The following F13A1 variants were observed in gnomAD, a reference collection of about 807,000 sequenced individuals.
F13A1 encodes the protein FSF, A subunit.
Under a neutral mutation model 80.1 loss-of-function variants are expected in F13A1, and 47 were observed. That is an observed-to-expected ratio of 0.59 (90% CI 0.46 to 0.75). The LOEUF is 0.75. Among genes scored for constraint, F13A1 ranks in the 30% least tolerant of loss-of-function variants. F13A1 has a pLI of 0.00. For synonymous variants in F13A1, 349 were observed against 344.9 expected (o/e 1.01, Z -0.13); for missense variants, 817 against 930.4 (o/e 0.88, Z 1.59).
intron 6 of F13A1, among the ~76,000 whole-genome samples, chr6:6,242,933 G>C (rs867823409): frequency 6.6e-6 from 1 of 152,136 alleles, no homozygotes; most frequent in African/African-American, 2.4e-5. Flanking sequence ...CACAGAATTT[G>C]CCATGCTGAG....
At chr6:6,174,429 C>G (rs1005219879) in intron 12 of F13A1, 151 bp downstream of exon 12, 1 of 824,510 alleles carries the variant, frequency 1.2e-6, no homozygotes, top group Non-Finnish European at 2.0e-6. Flanking sequence ...GAGGCTTTTG[C>G]AGAATGAGTG....
intron 11 of F13A1, among the ~76,000 whole-genome samples, chr6:6,181,021 G>A (rs985167168): frequency 6.6e-6 from 1 of 152,152 alleles, no homozygotes; most frequent in Non-Finnish European, 1.5e-5. Context: ...TCCCCATCAG[G>A]ACACTCACGG....
At chr6:6,317,415 C>T (rs976771198) in intron 2 of F13A1, among the ~76,000 whole-genome samples, 32 of 152,126 alleles carry the variant, frequency 2.1e-4, no homozygotes, top group African/African-American at 7.5e-4. Context: ...AACTCTACCA[C>T]CTGACTGAAG....
chr6:6,223,600 C>G (rs1173455872), intron 7 of F13A1, among the ~76,000 whole-genome samples: 1 of 152,040 alleles, frequency 6.6e-6, no homozygotes, highest in Admixed American at 6.6e-5. Flanking sequence ...ATTCCTTCTT[C>G]CCTGGGTTAT....
intron 2 of F13A1, 22 bp from the exon 3 acceptor site, chr6:6,305,561 G>A (rs746399521): frequency 1.2e-6 from 2 of 1,612,824 alleles, no homozygotes; most frequent in African/African-American, 1.3e-5. Flanking sequence ...AAAAACAAGG[G>A]TTGAAGAAAA....
At chr6:6,218,090 G>A (rs1043323349) in intron 8 of F13A1, among the ~76,000 whole-genome samples, 3 of 152,152 alleles carry the variant, frequency 2.0e-5, no homozygotes, top group Admixed American at 6.5e-5. Flanking sequence ...CCCTCACCCA[G>A]AATCATCCTA....
intron 3 of F13A1, among the ~76,000 whole-genome samples, chr6:6,270,780 A>G (rs1189381908): frequency 6.6e-6 from 1 of 152,226 alleles, no homozygotes; most frequent in Admixed American, 6.5e-5. Context: ...ATAAAACTGG[A>G]AAGTCCAAAG....
rs999637142 is a variant in F13A1 at position 6,234,176 on chromosome 6, G to A, written c.799-9316C>T. Among the ~76,000 whole-genome samples, 81 of 152,020 alleles carry A rather than the reference G, an allele frequency of 5.3e-4. 1 individual carries two copies. The highest frequency in any genetic ancestry group is 1.8e-3 in the African/African-American group (76 of 41,412). The stretch of plus-strand genomic sequence containing the variant: ...AGTCAAACTGTCACTGTTTGCTGAC[G>A]ATATGATTGTTTACCTTGAAAACCC... On this transcript the variant is annotated intron_variant, in intron 6 of 14. Coordinates refer to ENST00000264870, the MANE Select transcript of F13A1 (RefSeq NM_000129.4).
chr6:6,289,234 T>C (rs1758186235), intron 3 of F13A1, among the ~76,000 whole-genome samples: 1 of 152,052 alleles, frequency 6.6e-6, no homozygotes, highest in African/African-American at 2.4e-5. Flanking sequence ...GGAGCTCGGG[T>C]TCTGACTGGG....
intron 3 of F13A1, among the ~76,000 whole-genome samples, chr6:6,268,411 G>T (rs1214712694): frequency 2.0e-5 from 3 of 152,306 alleles, no homozygotes; most frequent in African/African-American, 7.2e-5. Context: ...GTGGAGTTCA[G>T]ATTTGAACCC....
chr6:6,309,025 T>C (rs1758554247), intron 2 of F13A1, among the ~76,000 whole-genome samples: 1 of 152,236 alleles, frequency 6.6e-6, no homozygotes, highest in Non-Finnish European at 1.5e-5. Context: ...ATTAAGACTT[T>C]GCATGGGTTA....
At chr6:6,201,616 C>T (rs779764165) in intron 8 of F13A1, among the ~76,000 whole-genome samples, 3 of 152,214 alleles carry the variant, frequency 2.0e-5, no homozygotes, top group Non-Finnish European at 2.9e-5. Flanking sequence ...GCTGACATTA[C>T]ACAATTCTAT....
At chr6:6,150,784 C>G (rs1356781972) in intron 14 of F13A1, among the ~76,000 whole-genome samples, 4 of 152,052 alleles carry the variant, frequency 2.6e-5, no homozygotes, top group Non-Finnish European at 5.9e-5. Context: ...TAATAAACCT[C>G]AAAGATTGGG....
chr6:6,153,034 C>T lies in F13A1; in HGVS notation c.1909-1085G>A, dbSNP rs567886407. On this transcript the variant is annotated intron_variant, in intron 13 of 14. Transcript: ENST00000264870. ...GTTGATGCTTTTTAGGGTAGCAATG[C>T]TCTGGGTAGTTTGTCTTATTCACCT... Among the ~76,000 whole-genome samples, 11 of 152,318 alleles carry T rather than the reference C, an allele frequency of 7.2e-5. No homozygotes were observed. In the South Asian group the frequency reaches 2.3e-3, roughly 32 times the overall value.
intron 3 of F13A1, among the ~76,000 whole-genome samples, chr6:6,293,799 G>C (rs1339179118): frequency 2.0e-5 from 2 of 101,056 alleles, no homozygotes; most frequent in Non-Finnish European, 4.0e-5. Flanking sequence ...GGGAGGGAGG[G>C]AGGGAGGGAG....
chr6:6,250,745 G>A lies in F13A1; in HGVS notation c.690+66C>T, dbSNP rs1757620062. ...AATATCGATATATGGGATCCTGTAG[G>A]GATACATGTGACAAAAAATATGAAG... On this transcript the variant is annotated intron_variant, in intron 5 of 14. Coordinates refer to ENST00000264870, the MANE Select transcript of F13A1 (RefSeq NM_000129.4). This position sits in a 1 kb window ranked among gnomAD's most constrained non-coding sequence, Gnocchi z 4.2. The A allele has an allele frequency of 1.9e-6, 2 of 1,030,184 alleles. No individual in the cohort carries two copies. The highest frequency in any genetic ancestry group is 3.1e-6 in the Non-Finnish European group (2 of 652,020). 63.8% of individuals were successfully genotyped at this position (1,030,184 alleles called of 1,614,324 possible). A position where few individuals can be genotyped will look rare whatever the true frequency, so the allele number is the denominator to read the frequency against.
At chr6:6,182,755 G>A (rs1398334661) in intron 10 of F13A1, among the ~76,000 whole-genome samples, 1 of 152,054 alleles carries the variant, frequency 6.6e-6, no homozygotes, top group African/African-American at 2.4e-5. Context: ...GGGATTTGGG[G>A]GCCTTAATGA....
chr6:6,205,028 G>A (rs1761461131), intron 8 of F13A1, among the ~76,000 whole-genome samples: 2 of 152,248 alleles, frequency 1.3e-5, no homozygotes, highest in South Asian at 4.1e-4. Flanking sequence ...GGCCTCATTT[G>A]CATAGCAATG....
chr6:6,149,837 T>G (rs955268208), intron 14 of F13A1, among the ~76,000 whole-genome samples: 2 of 152,298 alleles, frequency 1.3e-5, no homozygotes, highest in Admixed American at 6.5e-5. Flanking sequence ...CTTAAGCCAG[T>G]GTGTGGGCAG....
Sources: allele counts gnomAD v4.1 joint callset (sites outside exome capture counted in the v4.1 genomes callset), GRCh38; gene constraint gnomAD v4.1.1; non-coding constraint Gnocchi (gnomAD v3.1); transcripts MANE v1.5; gene names NCBI Gene and HGNC (gene_info 2026-07-23, HGNC 2026-07-21).